The following ASMTL variants were observed in gnomAD, a reference collection of about 807,000 sequenced individuals.
The protein encoded by ASMTL is probable bifunctional dTTP/UTP pyrophosphatase/methyltransferase protein.
Under a neutral mutation model 60.3 loss-of-function variants are expected in ASMTL, and 57 were observed. That is an observed-to-expected ratio of 0.95 (90% CI 0.76 to 1.18). The LOEUF (loss-of-function observed/expected upper bound fraction) is 1.18, where lower values mean the gene tolerates loss of function less well. ASMTL is among the 50% of genes most tolerant of loss of function. ASMTL has a pLI of 0.00. For synonymous variants in ASMTL, 419 were observed against 373.0 expected (o/e 1.12, Z -1.42); for missense variants, 981 against 852.6 (o/e 1.15, Z -1.88).
chrX:1,429,674 G>A (rs1220289723), intron 6 of ASMTL, among the ~76,000 whole-genome samples: 1 of 151,952 alleles, frequency 6.6e-6, no homozygotes, highest in African/African-American at 2.4e-5. Context: ...GTGGGTGCCT[G>A]TAGTCCCAGC....
rs1373341125 is a variant in ASMTL at position 1,443,140 on chromosome X, C to CACCGCCGTCATGGACACAT, written c.94-824_94-823insATGTGTCCATGACGGCGGT. Among the ~76,000 whole-genome samples, 4 of 139,512 alleles carry CACCGCCGTCATGGACACAT rather than the reference C, an allele frequency of 2.9e-5. No homozygotes were observed. The South Asian group carries it at 6.9e-4, about 24-fold the overall frequency. 91.5% of individuals were successfully genotyped at this position (139,512 alleles called of 152,430 possible). On this transcript the variant is annotated intron_variant, in intron 1 of 12. Transcript: ENST00000381317. ...GACACACACCGCCGTCGTGGACACA[C>CACCGCCGTCATGGACACAT]GCCGCCATCTTGGACACACACCGCC...
chrX:1,418,345 G>A (rs2090373921), intron 10 of ASMTL, among the ~76,000 whole-genome samples: 1 of 151,812 alleles, frequency 6.6e-6, no homozygotes, highest in African/African-American at 2.4e-5. Context: ...AGGGGTGGAG[G>A]GCTGTACTCC....
At chrX:1,412,936 G>T (rs1169367666) in intron 11 of ASMTL, 82 bp from the exon 12 acceptor site, 174 of 1,500,204 alleles carry the variant, frequency 1.2e-4, no homozygotes, top group Admixed American at 3.6e-4. Flanking sequence ...ACGGCCACCC[G>T]CATCCTAAAT....
At chrX:1,449,454 G>A (rs2091300483) in intron 1 of ASMTL, among the ~76,000 whole-genome samples, 1 of 151,746 alleles carries the variant, frequency 6.6e-6, no homozygotes, top group African/African-American at 2.4e-5. Flanking sequence ...CTTCTGTGAG[G>A]CACCCTGACC....
At chrX:1,433,081 G>A (rs1432334817) in intron 5 of ASMTL, among the ~76,000 whole-genome samples, 1 of 152,064 alleles carries the variant, frequency 6.6e-6, no homozygotes, top group Non-Finnish European at 1.5e-5. Context: ...CTGGGCGACA[G>A]AGCGAGACTC....
chrX:1,411,684 A>G (rs768818161), intron 12 of ASMTL, among the ~76,000 whole-genome samples: 115 of 149,226 alleles, frequency 7.7e-4, no homozygotes, highest in African/African-American at 2.7e-3. Flanking sequence ...AGACAGCAAC[A>G]CCAGCCCACG....
chrX:1,410,602 C>T (rs180785888), intron 12 of ASMTL, among the ~76,000 whole-genome samples: 66 of 152,058 alleles, frequency 4.3e-4, no homozygotes, highest in African/African-American at 1.5e-3. Flanking sequence ...TTAGTAGAGG[C>T]GGGGTTTCAC....
At chrX:1,421,388 C>G (rs1456680333) in intron 9 of ASMTL, among the ~76,000 whole-genome samples, 1 of 152,152 alleles carries the variant, frequency 6.6e-6, no homozygotes, top group Admixed American at 6.5e-5. Flanking sequence ...CAGGTGTGAG[C>G]CCCTGAGCAT....
At chrX:1,414,386 CGAG>C (rs1339803470) in intron 11 of ASMTL, among the ~76,000 whole-genome samples, 1 of 152,024 alleles carries the variant, frequency 6.6e-6, no homozygotes, top group East Asian at 1.9e-4. Context: ...CCCCCAGCTG[CGAG>C]GAGAAGGTGC....
chrX:1,417,623 A>G (rs1438126176), intron 11 of ASMTL, among the ~76,000 whole-genome samples: 1 of 151,830 alleles, frequency 6.6e-6, no homozygotes, highest in Non-Finnish European at 1.5e-5. Flanking sequence ...ACACACACAC[A>G]CAGACATGCA....
chrX:1,434,455 A>G (rs1410880475), intron 5 of ASMTL, among the ~76,000 whole-genome samples: 2 of 147,570 alleles, frequency 1.4e-5, no homozygotes, highest in Non-Finnish European at 3.0e-5. Flanking sequence ...ACACCACTGC[A>G]CTCCAGCCTG....
chrX:1,435,594 TGACAGAGATCCAC>T, intron 4 of ASMTL, 87 bp downstream of exon 4: 3 of 1,155,362 alleles, frequency 2.6e-6, no homozygotes, highest in Non-Finnish European at 3.9e-6. Context: ...ACGGCAGAGC[TGACAGAGATCCAC>T]CCTGCTCCCC....
chrX:1,415,710 C>A (rs186394445), intron 11 of ASMTL, among the ~76,000 whole-genome samples: 2,566 of 152,258 alleles, frequency 0.017, 81 homozygotes, highest in African/African-American at 0.059. Context: ...AGGGGATCCG[C>A]CCGCCTCAGC....
chrX:1,422,895 T>G (rs1244913654), intron 8 of ASMTL, among the ~76,000 whole-genome samples: 2 of 152,162 alleles, frequency 1.3e-5, no homozygotes, highest in African/African-American at 4.8e-5. Context: ...GGAACAAGCT[T>G]GCATGGTGCC....
intron 6 of ASMTL, 46 bp downstream of exon 6, chrX:1,432,223 G>A (rs2149323726): frequency 6.7e-7 from 1 of 1,496,668 alleles, no homozygotes; most frequent in African/African-American, 1.4e-5. Context: ...AGGGTGGCCA[G>A]GCTTCCACAC....
chrX:1,412,967 G>T lies in ASMTL; in HGVS notation c.1523-113C>A, dbSNP rs752079063. The T allele has an allele frequency of 4.4e-5, 52 of 1,194,070 alleles. 2 individuals are homozygous for T. Among genetic ancestry groups the T allele is most frequent in the East Asian group, 1.2e-4 (5 of 42,640 alleles). 74.0% of individuals were successfully genotyped at this position (1,194,070 alleles called of 1,614,324 possible). A position where few individuals can be genotyped will look rare whatever the true frequency, so the allele number is the denominator to read the frequency against. On this transcript the variant is annotated intron_variant, in intron 11 of 12. Coordinates refer to ENST00000381317, the MANE Select transcript of ASMTL (RefSeq NM_004192.4). ...TAAATCAGGGACAGAGAAGAGAGGG[G>T]TGTGGGCGGGAATGGGTCTTCCTGA...
At chrX:1,405,098 T>A (rs1431401849) in intron 12 of ASMTL, among the ~76,000 whole-genome samples, 1 of 150,614 alleles carries the variant, frequency 6.6e-6, no homozygotes, top group African/African-American at 2.5e-5. Context: ...ATGAGATGGA[T>A]GGATGAGTGA....
At chrX:1,424,042 C>T (rs1420099807) in intron 8 of ASMTL, among the ~76,000 whole-genome samples, 1 of 146,764 alleles carries the variant, frequency 6.8e-6, no homozygotes, top group Non-Finnish European at 1.5e-5. Flanking sequence ...ATCCATCCAC[C>T]CACCCACCTA....
chrX:1,415,685 C>T (rs1464848185), intron 11 of ASMTL, among the ~76,000 whole-genome samples: 11 of 152,196 alleles, frequency 7.2e-5, no homozygotes, highest in Middle Eastern at 3.4e-3. Flanking sequence ...AGGCTGGTCT[C>T]GAACTCCTGA....
Sources: allele counts gnomAD v4.1 joint callset (sites outside exome capture counted in the v4.1 genomes callset), GRCh38; gene constraint gnomAD v4.1.1; transcripts MANE v1.5; gene names NCBI Gene and HGNC (gene_info 2026-07-23, HGNC 2026-07-21).